Variants in EBF1 observed in about 807,000 individuals in gnomAD.
The protein encoded by EBF1 is transcription factor COE1.
In EBF1, 10 loss-of-function variants were observed where a neutral mutation model predicts 68.4. The observed-to-expected ratio is 0.15, with a 90% confidence interval of 0.09 to 0.25. The LOEUF (loss-of-function observed/expected upper bound fraction) is 0.25, where lower values mean the gene tolerates loss of function less well. EBF1 is among the 10% of genes least tolerant of loss of function. The probability of loss-of-function intolerance (pLI) is 1.00; values close to 1 mark genes in which losing one functional copy is unlikely to be tolerated. For synonymous variants in EBF1, 298 were observed against 299.8 expected, an observed-to-expected ratio of 0.99 and a Z score of 0.06; for missense variants, 509 against 794.4, an observed-to-expected ratio of 0.64 and a Z score of 4.32.
rs1561664441 is a variant in EBF1, at chr5:158,969,924, A to AGAAAG, written c.554+103471_554+103472insCTTTC. 2.6e-5 allele frequency among the ~76,000 whole-genome samples: 3 copies of AGAAAG among 115,936 alleles called. 1 individual carries two copies. Among genetic ancestry groups the AGAAAG allele is most frequent in the Non-Finnish European group, 5.8e-5 (3 of 51,332 alleles). 76.1% of individuals were successfully genotyped at this position (115,936 alleles called of 152,430 possible). A position where few individuals can be genotyped will look rare whatever the true frequency, so the allele number is the denominator to read the frequency against. ...AGAAAGAAAGAAAGAAAGAAAAAAA[A>AGAAAG]AAAAAAGGCTGCTGGAAGTTTTGCA... On this transcript the variant is annotated intron_variant, in intron 6 of 15. Coordinates refer to ENST00000313708, the MANE Select transcript of EBF1 (RefSeq NM_024007.5).
intron 6 of EBF1, among the ~76,000 whole-genome samples, chr5:158,906,779 C>T (rs1048695424): frequency 2.6e-5 from 4 of 152,172 alleles, no homozygotes; most frequent in Non-Finnish European, 5.9e-5. Flanking sequence ...TTGCATTTAG[C>T]TCTTGATTGA....
chr5:158,979,822 T>C (rs1000544654), intron 6 of EBF1, among the ~76,000 whole-genome samples: 2 of 152,224 alleles, frequency 1.3e-5, no homozygotes, highest in African/African-American at 2.4e-5. Flanking sequence ...AAATTATAAA[T>C]AGTTTTATTT....
At position 158,697,961 on chromosome 5, in the gene EBF1, A is replaced by AC. The variant is rs1393014357; in HGVS notation, c.*1149dup. 1.9e-5 allele frequency: 4 copies of AC among 210,672 alleles called. No homozygotes were observed. Among genetic ancestry groups the AC allele is most frequent in the African/African-American group, 2.3e-5 (1 of 43,952 alleles). 13.1% of individuals were successfully genotyped at this position (210,672 alleles called of 1,614,324 possible). ...GTCTCAACCTTCTTTTCCTTTCTCC[A>AC]CCCCCGGTTCCCTTTAACTCTTAAT... On this transcript the variant is annotated 3_prime_UTR_variant, in exon 16 of 16. Transcript: ENST00000313708.
intron 9 of EBF1, among the ~76,000 whole-genome samples, chr5:158,787,595 A>G (rs1295804836): frequency 6.6e-6 from 1 of 152,222 alleles, no homozygotes; most frequent in Non-Finnish European, 1.5e-5. Flanking sequence ...ATAGCTATGG[A>G]GTCAGGTGGA....
intron 8 of EBF1, among the ~76,000 whole-genome samples, chr5:158,811,642 G>T (rs759064121): frequency 6.6e-6 from 1 of 152,164 alleles, no homozygotes; most frequent in African/African-American, 2.4e-5. Context: ...CTTAACAACC[G>T]CTATCGTAAC....
At chr5:159,038,454 C>A (rs1018175950) in intron 6 of EBF1, among the ~76,000 whole-genome samples, 1 of 152,088 alleles carries the variant, frequency 6.6e-6, no homozygotes, top group Non-Finnish European at 1.5e-5. Flanking sequence ...GACTCACGGT[C>A]AAAACAACTT....
At chr5:158,825,919 T>A (rs1484994991) in intron 7 of EBF1, among the ~76,000 whole-genome samples, 2 of 150,188 alleles carry the variant, frequency 1.3e-5, no homozygotes, top group Non-Finnish European at 3.0e-5. Flanking sequence ...GAGCGACTTG[T>A]AAATTAAAAA....
chr5:159,025,991 A>G (rs1054732390), intron 6 of EBF1, among the ~76,000 whole-genome samples: 1 of 152,238 alleles, frequency 6.6e-6, no homozygotes, highest in African/African-American at 2.4e-5. Context: ...CAACAGCGAA[A>G]CAAAACTCAC....
At chr5:158,962,342 A>C (rs1032061238) in intron 6 of EBF1, among the ~76,000 whole-genome samples, 1 of 152,112 alleles carries the variant, frequency 6.6e-6, no homozygotes, top group Non-Finnish European at 1.5e-5. Context: ...TAACATAATG[A>C]AGTGAAGCTG....
At chr5:158,753,392 A>G (rs2127595914) in intron 10 of EBF1, among the ~76,000 whole-genome samples, 1 of 152,248 alleles carries the variant, frequency 6.6e-6, no homozygotes, top group South Asian at 2.1e-4. Flanking sequence ...AACAAAACAC[A>G]AGAATTTATA....
chr5:158,863,060 C>T (rs1191458448), intron 6 of EBF1, among the ~76,000 whole-genome samples: 2 of 152,144 alleles, frequency 1.3e-5, no homozygotes, highest in Non-Finnish European at 2.9e-5. Context: ...AATTTGGCAC[C>T]AAAAACCCAG....
In EBF1 at chr5:158,853,406, A is replaced by G. The variant is rs552599115; in HGVS notation, c.555-13296T>C. Among the ~76,000 whole-genome samples, 13 of 152,348 alleles carry G rather than the reference A, an allele frequency of 8.5e-5. No individual in the cohort carries two copies. The South Asian group carries it at 2.5e-3, about 29-fold the overall frequency. On this transcript the variant is annotated intron_variant, in intron 6 of 15. Coordinates refer to ENST00000313708, the MANE Select transcript of EBF1 (RefSeq NM_024007.5). ...TTTGTTTGGGCGGCTTTAAAAAAAG[A>G]GATGGAATTTCCATTTATGAGAGTT...
chr5:159,024,740 TC>T (rs1470670905), intron 6 of EBF1, among the ~76,000 whole-genome samples: 3 of 152,258 alleles, frequency 2.0e-5, no homozygotes, highest in African/African-American at 7.2e-5. Flanking sequence ...ATCATATGAT[TC>T]TTTGTACTCA....
intron 8 of EBF1, among the ~76,000 whole-genome samples, chr5:158,821,780 G>A (rs1289100658): frequency 1.3e-5 from 2 of 152,206 alleles, no homozygotes; most frequent in African/African-American, 2.4e-5. Flanking sequence ...ATGAGCAGGT[G>A]TTTGAAATGG....
intron 6 of EBF1, among the ~76,000 whole-genome samples, chr5:158,882,112 C>T (rs910609208): frequency 6.6e-6 from 1 of 152,224 alleles, no homozygotes; most frequent in African/African-American, 2.4e-5. Context: ...TACTATTTCA[C>T]AGTTCAGCTA....
At chr5:158,761,787 A>T (rs1221703831) in intron 10 of EBF1, among the ~76,000 whole-genome samples, 1 of 152,200 alleles carries the variant, frequency 6.6e-6, no homozygotes, top group African/African-American at 2.4e-5. Context: ...CTCATTAAAA[A>T]TTTTTGGTGA....
intron 7 of EBF1, among the ~76,000 whole-genome samples, chr5:158,829,959 C>T (rs956412452): frequency 1.3e-5 from 2 of 152,316 alleles, no homozygotes; most frequent in African/African-American, 4.8e-5. Flanking sequence ...GTTATCTCAT[C>T]TACATGAGAA....
Position 158,902,205 on chromosome 5 carries a change from GAGA to G in EBF1, c.555-62098_555-62096del, listed in dbSNP as rs147165327. 4.6e-3 allele frequency among the ~76,000 whole-genome samples: 706 copies of G among 152,198 alleles called. 4 individuals are homozygous for G. Among genetic ancestry groups the G allele is most frequent in the African/African-American group, 0.016 (650 of 41,520 alleles). ...GTTTATGTATTTTTTTACTGCTGTC[GAGA>G]AGGAGAGGAAATTCTTAGGAAGCTA... On this transcript the variant is annotated intron_variant, in intron 6 of 15. Coordinates refer to ENST00000313708, the MANE Select transcript of EBF1 (RefSeq NM_024007.5).
chr5:158,830,306 T>C (rs766141172), intron 7 of EBF1, among the ~76,000 whole-genome samples: 16 of 152,048 alleles, frequency 1.1e-4, no homozygotes, highest in Non-Finnish European at 2.2e-4. Context: ...GGAGTCTTGC[T>C]CTGTCACCAG....
Sources: allele counts gnomAD v4.1 joint callset (sites outside exome capture counted in the v4.1 genomes callset), GRCh38; gene constraint gnomAD v4.1.1; transcripts MANE v1.5; gene names NCBI Gene and HGNC (gene_info 2026-07-23, HGNC 2026-07-21).